Variants in RAP1A observed in about 807,000 individuals in gnomAD.
The protein encoded by RAP1A is RAP1A, member of RAS oncogene family.
In RAP1A, 6 loss-of-function variants were observed where a neutral mutation model predicts 26.4. That is an observed-to-expected ratio of 0.23 (90% CI 0.12 to 0.45). RAP1A has a LOEUF of 0.45. Ranked by LOEUF, RAP1A falls within the 20% of genes least tolerant of loss-of-function variation. The pLI, the probability that RAP1A is intolerant of heterozygous loss-of-function variation, is 0.99. For missense variants in RAP1A, 121 were observed against 217.2 expected (o/e 0.56, Z 2.78); for synonymous variants, 73 against 79.4 (o/e 0.92, Z 0.43).
intron 3 of RAP1A, among the ~76,000 whole-genome samples, chr1:111,696,337 T>G (rs1211133735): frequency 6.6e-6 from 1 of 152,252 alleles, no homozygotes; most frequent in Non-Finnish European, 1.5e-5. Context: ...TTTGTTGAAT[T>G]AATTTGTTAG....
intron 1 of RAP1A, among the ~76,000 whole-genome samples, chr1:111,677,020 C>T (rs1301510640): frequency 6.6e-6 from 1 of 152,208 alleles, no homozygotes; most frequent in African/African-American, 2.4e-5. Context: ...TCTCGAACTC[C>T]TGACCTCAGG....
chr1:111,582,994 T>A (rs983237451), intron 1 of RAP1A, among the ~76,000 whole-genome samples: 1 of 152,114 alleles, frequency 6.6e-6, no homozygotes, highest in African/African-American at 2.4e-5. Context: ...CATGGAGGTC[T>A]AGAGGCCAAT....
chr1:111,626,604 T>C lies in RAP1A; in HGVS notation c.-28+6670T>C, dbSNP rs999652412. ...AATAGCATGCGTAAATGTGCATTTT[T>C]AGTGACTGTTGTTAGCTTGACAGTT... On this transcript the variant is annotated intron_variant, in intron 1 of 7. Transcript: ENST00000369709. Among the ~76,000 whole-genome samples the C allele has an allele frequency of 2.2e-4, 33 of 152,244 alleles. 1 individual carries two copies. Among genetic ancestry groups the C allele is most frequent in the Non-Finnish European group, 2.9e-5 (2 of 68,036 alleles).
At chr1:111,608,860 A>G (rs6701067) in intron 1 of RAP1A, 48,078 of 151,378 alleles carry the variant, frequency 0.32, 7,851 homozygotes, top group East Asian at 0.46. Context: ...AGTACAGTCC[A>G]GCTTCGGCTC....
intron 2 of RAP1A, among the ~76,000 whole-genome samples, chr1:111,694,416 C>G (rs1886498): frequency 3.3e-5 from 5 of 152,136 alleles, no homozygotes; most frequent in African/African-American, 1.2e-4. Flanking sequence ...GTGTAGATGA[C>G]CTCAGTCCAC....
At chr1:111,594,299 A>C (rs79923072) in intron 1 of RAP1A, among the ~76,000 whole-genome samples, 5,088 of 152,270 alleles carry the variant, frequency 0.033, 172 homozygotes, top group East Asian at 0.083. Context: ...ATAGTGAGAC[A>C]GCATATCTAC....
At chr1:111,564,992 A>G (rs1427520916) in intron 1 of RAP1A, among the ~76,000 whole-genome samples, 3 of 152,186 alleles carry the variant, frequency 2.0e-5, no homozygotes, top group Admixed American at 2.0e-4. Context: ...TTAGGAAATT[A>G]ACTGGTGGAA....
intron 1 of RAP1A, among the ~76,000 whole-genome samples, chr1:111,678,800 G>A (rs182241391): frequency 1.3e-5 from 2 of 151,132 alleles, no homozygotes; most frequent in East Asian, 1.9e-4. Flanking sequence ...CTGCAACTTC[G>A]CTAAATTCAC....
At position 111,695,349 on chromosome 1, in the gene RAP1A, G is replaced by A; in HGVS notation, c.66G>A (p.Gln22=). ...GGVGKSALTV[Q]FVQGIFVEKY... ...CTTTTTTTTTCCCCCAGACAGTTCAGTTTGTTCAGGGAATTTTTGTTGAAA... is the reference window on the plus strand; with the variant it reads ...CTTTTTTTTTCCCCCAGACAGTTCAATTTGTTCAGGGAATTTTTGTTGAAA... The change falls in exon 3 of 8, where the codon CAG becomes CAA. Residue 22 remains glutamine (Q), a synonymous_variant. Transcript: ENST00000369709. 1 of 1,567,032 alleles carries A rather than the reference G, an allele frequency of 6.4e-7. No individual in the cohort carries two copies. The highest frequency in any genetic ancestry group is 8.6e-7 in the Non-Finnish European group (1 of 1,163,408).
chr1:111,663,582 C>T (rs1035405494), intron 1 of RAP1A, among the ~76,000 whole-genome samples: 1 of 152,188 alleles, frequency 6.6e-6, no homozygotes, highest in African/African-American at 2.4e-5. Flanking sequence ...AACTATGTCC[C>T]TTACTTTAAG....
chr1:111,547,052 A>C (rs781265181), intron 1 of RAP1A, among the ~76,000 whole-genome samples: 1 of 152,132 alleles, frequency 6.6e-6, no homozygotes, highest in African/African-American at 2.4e-5. Context: ...TTATTTTCCT[A>C]CTTTCATTGT....
At chr1:111,543,873 C>T (rs1441291491) in intron 1 of RAP1A, among the ~76,000 whole-genome samples, 1 of 152,102 alleles carries the variant, frequency 6.6e-6, no homozygotes, top group Non-Finnish European at 1.5e-5. Context: ...AAGGATTGGG[C>T]CTTCTCAGAG....
chr1:111,556,156 T>G (rs992808245), intron 1 of RAP1A, among the ~76,000 whole-genome samples: 1 of 152,200 alleles, frequency 6.6e-6, no homozygotes, highest in Admixed American at 6.5e-5. Flanking sequence ...GGTCAGTAAG[T>G]AAATAAAAAG....
chr1:111,711,178 T>G (rs1249776574), intron 7 of RAP1A, among the ~76,000 whole-genome samples: 2 of 152,216 alleles, frequency 1.3e-5, no homozygotes, highest in Admixed American at 6.5e-5. Context: ...TGAAAGTGAT[T>G]ATTAAGATTA....
At chr1:111,682,756 T>C (rs1661337462) in intron 1 of RAP1A, among the ~76,000 whole-genome samples, 1 of 152,066 alleles carries the variant, frequency 6.6e-6, no homozygotes, top group Admixed American at 6.6e-5. Context: ...ACTGTCAATA[T>C]TAGATCAACG....
chr1:111,612,220 G>A (rs1445552191), intron 1 of RAP1A, among the ~76,000 whole-genome samples: 3 of 152,116 alleles, frequency 2.0e-5, no homozygotes, highest in African/African-American at 7.2e-5. Flanking sequence ...TGCCTACACT[G>A]GGCTCTCTCT....
At chr1:111,544,096 G>A (rs1656949254) in intron 1 of RAP1A, among the ~76,000 whole-genome samples, 1 of 152,174 alleles carries the variant, frequency 6.6e-6, no homozygotes, top group Non-Finnish European at 1.5e-5. Flanking sequence ...TTTGCCATTT[G>A]TCCTAAAATA....
At chr1:111,699,855 AC>A in intron 4 of RAP1A, among the ~76,000 whole-genome samples, 1 of 151,216 alleles carries the variant, frequency 6.6e-6, no homozygotes, top group Non-Finnish European at 1.5e-5. Flanking sequence ...TATATCTTCA[AC>A]CCCCTCTGCA....
At position 111,649,000 on chromosome 1, in the gene RAP1A, C is replaced by T. The variant is rs2101131647; in HGVS notation, c.-28+29066C>T. 1.3e-5 allele frequency: 8 copies of T among 621,974 alleles called. 1 individual carries two copies. Among genetic ancestry groups the T allele is most frequent in the Middle Eastern group, 9.5e-4 (2 of 2,104 alleles). 38.5% of individuals were successfully genotyped at this position (621,974 alleles called of 1,614,324 possible). Reference sequence around the variant, plus strand: ...TCTGGCTTCAGCTGCAGCCAAGTGACATTGATGTCATCATTGACCTTGTGG... The same window carrying T: ...TCTGGCTTCAGCTGCAGCCAAGTGATATTGATGTCATCATTGACCTTGTGG... On this transcript the variant is annotated intron_variant, in intron 1 of 7. Coordinates refer to ENST00000369709, the MANE Select transcript of RAP1A (RefSeq NM_002884.4).
Sources: allele counts gnomAD v4.1 joint callset (sites outside exome capture counted in the v4.1 genomes callset), GRCh38; gene constraint gnomAD v4.1.1; transcripts MANE v1.5; gene names NCBI Gene and HGNC (gene_info 2026-07-23, HGNC 2026-07-21).